The following SYT1 variants were observed in gnomAD, a reference collection of about 807,000 sequenced individuals.
SYT1 encodes synaptotagmin-1.
A neutral mutation model predicts 44.8 loss-of-function variants in SYT1; 8 were observed. That is an observed-to-expected ratio of 0.18 (90% CI 0.10 to 0.32). SYT1 has a LOEUF of 0.32. Among genes scored for constraint, SYT1 ranks in the 10% least tolerant of loss-of-function variants. The pLI, the probability that SYT1 is intolerant of heterozygous loss-of-function variation, is 1.00. For missense variants in SYT1, 286 were observed against 509.3 expected, an observed-to-expected ratio of 0.56 and a Z score of 4.22; for synonymous variants, 154 against 188.8, an observed-to-expected ratio of 0.82 and a Z score of 1.51.
chr12:78,893,593 CTTCT>C (rs1339323954), intron 1 of SYT1, among the ~76,000 whole-genome samples: 2 of 151,602 alleles, frequency 1.3e-5, no homozygotes, highest in East Asian at 3.9e-4. Flanking sequence ...GATGTCAAGT[CTTCT>C]ATTTGAATAA....
intron 3 of SYT1, among the ~76,000 whole-genome samples, chr12:79,210,050 T>C (rs2138530614): frequency 6.6e-6 from 1 of 152,322 alleles, no homozygotes; most frequent in East Asian, 1.9e-4. Flanking sequence ...CTAAAAATCA[T>C]GATGCTATTG....
intron 3 of SYT1, among the ~76,000 whole-genome samples, chr12:79,118,345 A>T (rs1879412611): frequency 6.6e-6 from 1 of 152,198 alleles, no homozygotes; most frequent in South Asian, 2.1e-4. Context: ...GGTTTTTCAA[A>T]GTTTGGGTTG....
intron 8 of SYT1, among the ~76,000 whole-genome samples, chr12:79,322,501 TTC>T (rs1414296920): frequency 6.6e-6 from 1 of 152,206 alleles, no homozygotes; most frequent in Non-Finnish European, 1.5e-5. Flanking sequence ...AAGATTTACA[TTC>T]TCTTTGTTCT....
intron 8 of SYT1, among the ~76,000 whole-genome samples, chr12:79,343,367 G>A (rs759016861): frequency 3.1e-4 from 47 of 152,140 alleles, no homozygotes; most frequent in Non-Finnish European, 5.3e-4. Flanking sequence ...TGATAATAGC[G>A]AACACTCACA....
intron 1 of SYT1, among the ~76,000 whole-genome samples, chr12:78,935,835 G>A (rs1878023165): frequency 6.6e-6 from 1 of 152,032 alleles, no homozygotes; most frequent in South Asian, 2.1e-4. Flanking sequence ...TAAAAAATTT[G>A]TTGTAAAGTC....
rs1332387210 is a variant in SYT1, at chr12:79,164,357, C to T, written c.-17-53146C>T. Among the ~76,000 whole-genome samples the T allele has an allele frequency of 2.6e-5, 4 of 152,216 alleles. No individual in the cohort carries two copies. The East Asian group carries it at 7.7e-4, about 29-fold the overall frequency. On this transcript the variant is annotated intron_variant, in intron 3 of 10. Transcript: ENST00000261205. The stretch of plus-strand genomic sequence containing the variant: ...ATTCATCTAAACTAGATTGCCCTCT[C>T]ATTCTTCATTTTTCCATTTGCTTTT...
intron 1 of SYT1, among the ~76,000 whole-genome samples, chr12:78,945,429 A>G (rs1198234644): frequency 6.6e-6 from 1 of 150,968 alleles, no homozygotes; most frequent in Non-Finnish European, 1.5e-5. Context: ...ATATGTACAT[A>G]ATATATTCAT....
intron 8 of SYT1, chr12:79,341,255 A>G (rs561147908): frequency 6.6e-6 from 1 of 152,312 alleles, no homozygotes; most frequent in East Asian, 1.9e-4. Context: ...GCTAGGCTAC[A>G]ATAACAAATA....
chr12:79,340,914 T>C (rs1490696849), intron 8 of SYT1, among the ~76,000 whole-genome samples: 1 of 152,224 alleles, frequency 6.6e-6, no homozygotes, highest in African/African-American at 2.4e-5. Flanking sequence ...GTAGTAATTA[T>C]TTACAAATTC....
At chr12:79,114,699 T>A (rs1483722439) in intron 3 of SYT1, among the ~76,000 whole-genome samples, 8 of 152,254 alleles carry the variant, frequency 5.3e-5, no homozygotes, top group African/African-American at 1.9e-4. Context: ...AAATACAATA[T>A]ATGTTAGAAT....
chr12:78,931,116 C>G (rs942153840), intron 1 of SYT1, among the ~76,000 whole-genome samples: 3 of 146,330 alleles, frequency 2.1e-5, no homozygotes, highest in African/African-American at 7.7e-5. Flanking sequence ...GAGCTGAGAT[C>G]GCACCACTGC....
chr12:79,262,323 C>T (rs763641210), intron 4 of SYT1, among the ~76,000 whole-genome samples: 42 of 152,066 alleles, frequency 2.8e-4, no homozygotes, highest in Non-Finnish European at 5.1e-4. Context: ...GAAACTTCTC[C>T]TACTTAACTC....
intron 8 of SYT1, among the ~76,000 whole-genome samples, chr12:79,329,131 T>A (rs1881743130): frequency 1.3e-5 from 2 of 152,130 alleles, no homozygotes; most frequent in South Asian, 4.1e-4. Context: ...AAATCCAAAC[T>A]GTGTTATCCA....
intron 4 of SYT1, among the ~76,000 whole-genome samples, chr12:79,263,050 T>G (rs1877919628): frequency 6.6e-6 from 1 of 152,196 alleles, no homozygotes; most frequent in Non-Finnish European, 1.5e-5. Context: ...TACTGCCCCC[T>G]CTGCAATGTC....
chr12:79,065,075 A>G (rs1166375526), intron 3 of SYT1, among the ~76,000 whole-genome samples: 1 of 152,074 alleles, frequency 6.6e-6, no homozygotes, highest in African/African-American at 2.4e-5. Context: ...ACACATTCCA[A>G]TTAGAAACTT....
At chr12:79,278,485 G>T (rs1878862096) in intron 4 of SYT1, among the ~76,000 whole-genome samples, 1 of 151,988 alleles carries the variant, frequency 6.6e-6, no homozygotes, top group Non-Finnish European at 1.5e-5. Context: ...GTAACACAAT[G>T]TATCAAAATC....
intron 1 of SYT1, among the ~76,000 whole-genome samples, chr12:78,964,567 T>A (rs900495740): frequency 6.6e-6 from 1 of 152,186 alleles, no homozygotes; most frequent in Non-Finnish European, 1.5e-5. Flanking sequence ...ATGGTCACAA[T>A]TGAAATAGTG....
At chr12:79,168,654 G>A (rs1264724025) in intron 3 of SYT1, among the ~76,000 whole-genome samples, 1 of 151,946 alleles carries the variant, frequency 6.6e-6, no homozygotes, top group East Asian at 1.9e-4. Context: ...TTTTAAACTG[G>A]AGCTTTGTCT....
chr12:79,154,559 GA>G (rs1870480342), intron 3 of SYT1, among the ~76,000 whole-genome samples: 1 of 151,990 alleles, frequency 6.6e-6, no homozygotes. Context: ...ATAATGGGGG[GA>G]AAAAGAGCAA....
Sources: allele counts gnomAD v4.1 joint callset (sites outside exome capture counted in the v4.1 genomes callset), GRCh38; gene constraint gnomAD v4.1.1; transcripts MANE v1.5; gene names NCBI Gene and HGNC (gene_info 2026-07-23, HGNC 2026-07-21).